The following SMAD7 variants were observed in gnomAD, a reference collection of about 807,000 sequenced individuals.
The protein encoded by SMAD7 is SMAD family member 7.
Under a neutral mutation model 38.7 loss-of-function variants are expected in SMAD7, and 8 were observed. The ratio of observed to expected loss-of-function variants is 0.21; its 90% CI spans 0.12 to 0.37. The LOEUF is 0.37. Among genes scored for constraint, SMAD7 ranks in the 10% least tolerant of loss-of-function variants. SMAD7 has a pLI of 1.00. For synonymous variants in SMAD7, 327 were observed against 265.1 expected, an observed-to-expected ratio of 1.23 and a Z score of -2.27; for missense variants, 477 against 577.9, an observed-to-expected ratio of 0.83 and a Z score of 1.79.
rs1307851206 is a variant in SMAD7 at position 48,920,661 on chromosome 18, A to G, written c.*711T>C. ...ATGGCCAAAAAAGAAAGACGCTACA[A>G]TGGCAGGGGCTGGCAGGAAGGGAAT... On this transcript the variant is annotated 3_prime_UTR_variant, in exon 4 of 4. Transcript: ENST00000262158. 6.6e-6 allele frequency: 1 copy of G among 152,614 alleles called. No homozygotes were observed. Among genetic ancestry groups the G allele is most frequent in the East Asian group, 1.9e-4 (1 of 5,204 alleles). The allele number at this position is 152,614 out of a possible 1,614,324, so 9.5% of individuals were successfully genotyped here. A position where few individuals can be genotyped will look rare whatever the true frequency, so the allele number is the denominator to read the frequency against.
At chr18:48,948,816 C>A (rs923422771) in intron 1 of SMAD7, among the ~76,000 whole-genome samples, 1 of 152,260 alleles carries the variant, frequency 6.6e-6, no homozygotes, top group Non-Finnish European at 1.5e-5. Context: ...GGCCCGCCCC[C>A]CAGGCGTGCA....
At position 48,921,872 on chromosome 18, in the gene SMAD7, A is replaced by G; in HGVS notation, c.781T>C (p.Trp261Arg). The G allele has an allele frequency of 6.2e-7, 1 of 1,611,270 alleles. No homozygotes were observed. The highest frequency in any genetic ancestry group is 8.5e-7 in the Non-Finnish European group (1 of 1,179,574). The stretch of plus-strand genomic sequence containing the variant: ...TCCTCCCAGTATGCCACCACGCACC[A>G]GTGTGACCGATCCCCAGGCTCCAGA... Reference protein sequence around the residue: ...LLLEPGDRSHWCVVAYWEEKT... With the variant: ...LLLEPGDRSHRCVVAYWEEKT... The change falls in exon 4 of 4, where the codon TGG becomes CGG. Residue 261 changes from tryptophan (W) to arginine (R), a missense_variant. By Grantham distance (101) the Trp-to-Arg change is moderately radical. Around this residue, in one of 2 missense-constraint regions of SMAD7, gnomAD observed 376 missense variants for 379.4 expected, o/e 0.99. Coordinates refer to ENST00000262158, the MANE Select transcript of SMAD7 (RefSeq NM_005904.4). The surrounding 1 kb of genome is among the most constrained non-coding windows in gnomAD (Gnocchi z 6.4).
At chr18:48,932,912 C>T (rs912947806) in intron 3 of SMAD7, among the ~76,000 whole-genome samples, 2 of 152,200 alleles carry the variant, frequency 1.3e-5, no homozygotes, top group African/African-American at 4.8e-5. Context: ...GCTGTCAAGA[C>T]ATTAGATACT....
At chr18:48,940,577 C>T (rs561184709) in intron 3 of SMAD7, among the ~76,000 whole-genome samples, 1 of 152,100 alleles carries the variant, frequency 6.6e-6, no homozygotes, top group Non-Finnish European at 1.5e-5. Context: ...ATGGCGAAAC[C>T]CCATCTCTAC....
At position 48,921,320 on chromosome 18, in the gene SMAD7, G is replaced by A. The variant is rs1329922083; in HGVS notation, c.*52C>T. On this transcript the variant is annotated 3_prime_UTR_variant, in exon 4 of 4. Transcript: ENST00000262158. This position sits in a 1 kb window ranked among gnomAD's most constrained non-coding sequence, Gnocchi z 6.4. Reference sequence around the variant, plus strand: ...TCAGGAGGAAAATATTAGCAGCAAAGTAGTTTGAAGTGTGGCCTGCTCAGC... The same window carrying A: ...TCAGGAGGAAAATATTAGCAGCAAAATAGTTTGAAGTGTGGCCTGCTCAGC... 1 of 1,471,998 alleles carries A rather than the reference G, an allele frequency of 6.8e-7. No homozygotes were observed. Among genetic ancestry groups the A allele is most frequent in the Non-Finnish European group, 9.2e-7 (1 of 1,087,270 alleles). The allele number at this position is 1,471,998 out of a possible 1,614,324, so 91.2% of individuals were successfully genotyped here. A position where few individuals can be genotyped will look rare whatever the true frequency, so the allele number is the denominator to read the frequency against.
At chr18:48,932,373 G>A (rs1340982892) in intron 3 of SMAD7, among the ~76,000 whole-genome samples, 1 of 152,152 alleles carries the variant, frequency 6.6e-6, no homozygotes, top group East Asian at 1.9e-4. Context: ...AGTGACAGTC[G>A]CAGATCAAAA....
chr18:48,921,000 G>C lies in SMAD7; in HGVS notation c.*372C>G. 4.3e-6 allele frequency: 1 copy of C among 229,984 alleles called. No individual in the cohort carries two copies. Among genetic ancestry groups the C allele is most frequent in the Non-Finnish European group, 8.6e-6 (1 of 116,560 alleles). 14.2% of individuals were successfully genotyped at this position (229,984 alleles called of 1,614,324 possible). On this transcript the variant is annotated 3_prime_UTR_variant, in exon 4 of 4. Coordinates refer to ENST00000262158, the MANE Select transcript of SMAD7 (RefSeq NM_005904.4). Reference sequence around the variant, plus strand: ...CTCCCCATCTGCCGCTCCTGCACACGCGTGCACACACAGCCGCACACTCAC... The same window carrying C: ...CTCCCCATCTGCCGCTCCTGCACACCCGTGCACACACAGCCGCACACTCAC...
chr18:48,933,203 T>TG (rs1359251323), intron 3 of SMAD7, among the ~76,000 whole-genome samples: 1 of 152,190 alleles, frequency 6.6e-6, no homozygotes, highest in African/African-American at 2.4e-5. Flanking sequence ...GAAGTAGAAG[T>TG]GGATGACTCA....
At position 48,950,144 on chromosome 18, in the gene SMAD7, G is replaced by A. The variant is rs1056808060; in HGVS notation, c.281C>T (p.Ala94Val). 40 of 1,495,632 alleles carry A rather than the reference G, an allele frequency of 2.7e-5. No homozygotes were observed. Among genetic ancestry groups the A allele is most frequent in the Non-Finnish European group, 3.6e-5 (40 of 1,126,618 alleles). 92.6% of individuals were successfully genotyped at this position (1,495,632 alleles called of 1,614,324 possible). Reference protein sequence around the residue: ...AAGGAEADLKALTHSVLKKLK... With the variant: ...AAGGAEADLKVLTHSVLKKLK... ...TTTCTTGAGCACCGAGTGCGTGAGC[G>A]CCTTCAGATCCGCCTCGGCGCCCCC... The change falls in exon 1 of 4, where the codon GCG becomes GTG. Residue 94 changes from alanine (A) to valine (V), a missense_variant. Physicochemically the swap from Ala to Val is moderately conservative, Grantham distance 64 (BLOSUM62 0). This residue lies in a region of SMAD7 where 376 missense variants were observed against 379.4 expected (regional missense o/e 0.99). Coordinates refer to ENST00000262158, the MANE Select transcript of SMAD7 (RefSeq NM_005904.4).
At chr18:48,926,004 C>T (rs1343986008) in intron 3 of SMAD7, among the ~76,000 whole-genome samples, 1 of 152,224 alleles carries the variant, frequency 6.6e-6, no homozygotes, top group Non-Finnish European at 1.5e-5. Flanking sequence ...CCTCAGCCTC[C>T]CAAAGTGCTG....
intron 2 of SMAD7, 164 bp from the exon 3 acceptor site, chr18:48,942,719 C>A: frequency 1.3e-6 from 2 of 1,509,760 alleles, no homozygotes; most frequent in Non-Finnish European, 1.8e-6. Flanking sequence ...GGCTTCACTG[C>A]CCATCGTAAG....
chr18:48,935,111 C>T (rs2070048970), intron 3 of SMAD7, among the ~76,000 whole-genome samples: 2 of 152,154 alleles, frequency 1.3e-5, no homozygotes, highest in Admixed American at 6.5e-5. Context: ...CACGGGGCAC[C>T]TTCCACGGGA....
chr18:48,947,347 C>A (rs1473793124), intron 2 of SMAD7, among the ~76,000 whole-genome samples: 1 of 152,176 alleles, frequency 6.6e-6, no homozygotes, highest in African/African-American at 2.4e-5. Flanking sequence ...AACGCCCCAG[C>A]AAAACTTTTA....
At chr18:48,936,761 T>A (rs1387545535) in intron 3 of SMAD7, among the ~76,000 whole-genome samples, 1 of 152,008 alleles carries the variant, frequency 6.6e-6, no homozygotes, top group Non-Finnish European at 1.5e-5. Flanking sequence ...CTGCAAGGAA[T>A]TATGACACAG....
chr18:48,939,076 G>C (rs2143799239), intron 3 of SMAD7, among the ~76,000 whole-genome samples: 1 of 152,176 alleles, frequency 6.6e-6, no homozygotes, highest in South Asian at 2.1e-4. Flanking sequence ...CCCAGAGCCT[G>C]CCTGTGGGCA....
intron 3 of SMAD7, among the ~76,000 whole-genome samples, chr18:48,940,745 C>G (rs1035631247): frequency 4.0e-5 from 6 of 149,610 alleles, no homozygotes; most frequent in African/African-American, 7.4e-5. Flanking sequence ...AGCGAGACTC[C>G]GTCTGTGTGA....
intron 3 of SMAD7, among the ~76,000 whole-genome samples, chr18:48,937,263 C>CGTGTGTGTGTGTGTGTGTGTGT (rs1416134181): frequency 1.4e-5 from 1 of 69,082 alleles, no homozygotes. Context: ...TAAGTAAAGG[C>CGTGTGTGTGTGTGTGTGTGTGT]ATGTGTGTGT....
chr18:48,922,016 G>A lies in SMAD7; in HGVS notation c.743-106C>T, dbSNP rs76886865. ...CACCCAGTCACCAGCTCATCTCTCAGGACGAGACAGAAAGAAGGAGGCGGT... is the reference window on the plus strand; with the variant it reads ...CACCCAGTCACCAGCTCATCTCTCAAGACGAGACAGAAAGAAGGAGGCGGT... On this transcript the variant is annotated intron_variant, in intron 3 of 3. Transcript: ENST00000262158. The A allele has an allele frequency of 0.013, 11,069 of 869,798 alleles. 701 individuals carry two copies. The East Asian group carries it at 0.15, about 11-fold the overall frequency. The allele number at this position is 869,798 out of a possible 1,614,324, so 53.9% of individuals were successfully genotyped here.
intron 3 of SMAD7, among the ~76,000 whole-genome samples, chr18:48,924,609 C>T (rs1162417064): frequency 6.6e-6 from 1 of 152,182 alleles, no homozygotes; most frequent in East Asian, 1.9e-4. Flanking sequence ...AACTGCAATG[C>T]ATGGATGTCG....
Sources: allele counts gnomAD v4.1 joint callset (sites outside exome capture counted in the v4.1 genomes callset), GRCh38; gene constraint gnomAD v4.1.1; regional missense constraint gnomAD v4.1.1; non-coding constraint Gnocchi (gnomAD v3.1); transcripts MANE v1.5; gene names NCBI Gene and HGNC (gene_info 2026-07-23, HGNC 2026-07-21).